The following VPS13C variants were observed in gnomAD, a reference collection of about 807,000 sequenced individuals.
VPS13C encodes vacuolar protein sorting 13 homolog C.
A neutral mutation model predicts 456.8 loss-of-function variants in VPS13C; 358 were observed. That is an observed-to-expected ratio of 0.78 (90% CI 0.72 to 0.86). VPS13C has a LOEUF of 0.86. Among genes scored for constraint, VPS13C ranks in the 40% least tolerant of loss-of-function variants. The pLI, the probability that VPS13C is intolerant of heterozygous loss-of-function variation, is 0.00. For missense variants in VPS13C, 4,818 were observed against 4,385.4 expected, an observed-to-expected ratio of 1.10 and a Z score of -2.79; for synonymous variants, 1,578 against 1,486.7, an observed-to-expected ratio of 1.06 and a Z score of -1.41.
At position 61,962,757 on chromosome 15, in the gene VPS13C, G is replaced by T. The variant is rs1214100384; in HGVS notation, c.3427C>A (p.His1143Asn). ...TGTTTACAATCACCTACTTTCTTATGAACTGTCTTTGGATCAACATCTGTG... is the reference window on the plus strand; with the variant it reads ...TGTTTACAATCACCTACTTTCTTATTAACTGTCTTTGGATCAACATCTGTG... ...IVTDVDPKTVHKKAVSIMGNE... is the reference protein window; with the variant it reads ...IVTDVDPKTVNKKAVSIMGNE... Residue 1143 changes from histidine to asparagine, a missense_variant, in exon 33 of 85, where the codon CAT becomes AAT. This residue lies in a region of VPS13C where 4,552 missense variants were observed against 4,130.6 expected (regional missense o/e 1.10). Transcript: ENST00000644861. The T allele has an allele frequency of 1.3e-6, 2 of 1,592,468 alleles. No individual in the cohort carries two copies. The highest frequency in any genetic ancestry group is 1.3e-5 in the African/African-American group (1 of 74,536).
chr15:61,860,500 A>C (rs1245576565), intron 82 of VPS13C, among the ~76,000 whole-genome samples: 1 of 152,156 alleles, frequency 6.6e-6, no homozygotes, highest in African/African-American at 2.4e-5. Context: ...TATTCTAATA[A>C]AATAATAGAA....
At chr15:61,860,364 T>G (rs1016962051) in intron 82 of VPS13C, among the ~76,000 whole-genome samples, 2 of 152,166 alleles carry the variant, frequency 1.3e-5, no homozygotes, top group Non-Finnish European at 2.9e-5. Flanking sequence ...AAGAACACTT[T>G]CATATATTGT....
rs758070547 is a variant in VPS13C, at chr15:61,973,486, C to T, written c.2585G>A (p.Gly862Asp). Residue 862 changes from glycine (G) to aspartate (D), a missense_variant, in exon 26 of 85, where the codon GGT (glycine) becomes GAT (aspartate). This residue lies in a region of VPS13C where 4,552 missense variants were observed against 4,130.6 expected (regional missense o/e 1.10). Transcript: ENST00000644861. ...IISGGTKGLL[G>D]TSLLLDTVES... The stretch of plus-strand genomic sequence containing the variant: ...CACAGTGTCTAGCAATAGTGAAGTA[C>T]CAAGTAGACCTTTTGTACCACCTGA... The T allele has an allele frequency of 6.2e-7, 1 of 1,612,478 alleles. No individual in the cohort carries two copies. Among genetic ancestry groups the T allele is most frequent in the South Asian group, 1.1e-5 (1 of 91,014 alleles).
intron 79 of VPS13C, among the ~76,000 whole-genome samples, chr15:61,871,668 T>C (rs192769648): frequency 9.2e-5 from 14 of 152,230 alleles, no homozygotes; most frequent in Admixed American, 2.0e-4. Flanking sequence ...TTGATAAGGG[T>C]TGCACTGAAT....
chr15:61,903,495 A>C (rs2140122184), intron 66 of VPS13C, among the ~76,000 whole-genome samples: 1 of 152,302 alleles, frequency 6.6e-6, no homozygotes, highest in African/African-American at 2.4e-5. Flanking sequence ...CTAATGAAAA[A>C]AATGAAATAG....
intron 16 of VPS13C, among the ~76,000 whole-genome samples, chr15:61,994,348 C>T (rs2046312277): frequency 6.6e-6 from 1 of 152,206 alleles, no homozygotes; most frequent in Non-Finnish European, 1.5e-5. Flanking sequence ...TTGTTATCCT[C>T]CGGTGATTCA....
intron 68 of VPS13C, 41 bp from the exon 69 acceptor site, chr15:61,882,777 G>A: frequency 6.0e-6 from 9 of 1,508,280 alleles, no homozygotes; most frequent in Non-Finnish European, 7.1e-6. Context: ...GCTGATATTA[G>A]CACAGTAGCT....
At chr15:61,860,386 T>TA (rs777583807) in intron 82 of VPS13C, among the ~76,000 whole-genome samples, 38 of 152,094 alleles carry the variant, frequency 2.5e-4, no homozygotes, top group Non-Finnish European at 1.0e-4. Context: ...GAGTGGTATG[T>TA]AAAAAAACTG....
intron 50 of VPS13C, among the ~76,000 whole-genome samples, 186 bp downstream of exon 50, chr15:61,930,904 C>T (rs2044032543): frequency 6.6e-6 from 1 of 152,180 alleles, no homozygotes; most frequent in South Asian, 2.1e-4. Flanking sequence ...TTAAACTTCC[C>T]TTTAACTTAA....
intron 26 of VPS13C, 109 bp from the exon 27 acceptor site, chr15:61,972,873 T>C (rs1402523036): frequency 1.5e-5 from 18 of 1,210,996 alleles, no homozygotes; most frequent in Non-Finnish European, 1.9e-5. Context: ...AGATATAATC[T>C]TCATATTCAG....
chr15:61,913,866 G>C (rs2043378453), intron 61 of VPS13C, among the ~76,000 whole-genome samples: 1 of 152,150 alleles, frequency 6.6e-6, no homozygotes, highest in Non-Finnish European at 1.5e-5. Flanking sequence ...GCAGGACACA[G>C]TTCCTGTCTT....
At chr15:62,031,224 G>C (rs1344592379) in intron 5 of VPS13C, among the ~76,000 whole-genome samples, 1 of 151,958 alleles carries the variant, frequency 6.6e-6, no homozygotes, top group Non-Finnish European at 1.5e-5. Flanking sequence ...CTTTTTATGA[G>C]CAGACCAGCA....
At chr15:62,042,541 T>C (rs1267598946) in intron 2 of VPS13C, among the ~76,000 whole-genome samples, 3 of 152,048 alleles carry the variant, frequency 2.0e-5, no homozygotes, top group Non-Finnish European at 4.4e-5. Context: ...AAAAAAAGTC[T>C]TTGCTGCCAA....
chr15:62,012,355 C>T (rs2047074971), intron 11 of VPS13C, among the ~76,000 whole-genome samples, 191 bp from the exon 12 acceptor site: 1 of 151,566 alleles, frequency 6.6e-6, no homozygotes, highest in South Asian at 2.1e-4. Context: ...GATACAGAAG[C>T]AGATAATTTT....
chr15:61,913,894 G>C (rs566335325), intron 61 of VPS13C, among the ~76,000 whole-genome samples: 40 of 152,250 alleles, frequency 2.6e-4, no homozygotes, highest in Admixed American at 1.9e-3. Flanking sequence ...CTTCCAACTA[G>C]ACAGAGAGAT....
At chr15:61,965,035 A>T (rs1417119323) in intron 30 of VPS13C, among the ~76,000 whole-genome samples, 174 bp from the exon 31 acceptor site, 1 of 151,960 alleles carries the variant, frequency 6.6e-6, no homozygotes, top group Non-Finnish European at 1.5e-5. Context: ...ATACAGAGAA[A>T]AATTACACTT....
At chr15:61,940,605 G>C (rs753515465) in intron 47 of VPS13C, 42 bp downstream of exon 47, 2 of 1,576,372 alleles carry the variant, frequency 1.3e-6, no homozygotes, top group African/African-American at 1.4e-5. Context: ...AACGAGAAAA[G>C]CCTATCAAGA....
intron 1 of VPS13C, among the ~76,000 whole-genome samples, chr15:62,060,047 G>T (rs2048945193): frequency 6.6e-6 from 1 of 152,226 alleles, no homozygotes; most frequent in Non-Finnish European, 1.5e-5. Context: ...GAGAAAGGTG[G>T]GAACTTTGGC....
intron 69 of VPS13C, 40 bp downstream of exon 69, chr15:61,882,556 A>C: frequency 6.9e-7 from 1 of 1,449,318 alleles, no homozygotes; most frequent in Admixed American, 2.6e-5. Context: ...CAAGATTCCC[A>C]AAGTGATGAT....
Sources: allele counts gnomAD v4.1 joint callset (sites outside exome capture counted in the v4.1 genomes callset), GRCh38; gene constraint gnomAD v4.1.1; regional missense constraint gnomAD v4.1.1; transcripts MANE v1.5; gene names NCBI Gene and HGNC (gene_info 2026-07-23, HGNC 2026-07-21).